INPP5D: variants seen among roughly 807,000 people sequenced by gnomAD.
INPP5D encodes the protein phosphatidylinositol 3,4,5-trisphosphate 5-phosphatase 1.
INPP5D carries 33 observed loss-of-function variants against 122.9 expected under a neutral mutation model. The observed-to-expected ratio is 0.27, with a 90% confidence interval of 0.20 to 0.36. The LOEUF is 0.36. Among genes scored for constraint, INPP5D ranks in the 10% least tolerant of loss-of-function variants. The probability of loss-of-function intolerance (pLI) is 1.00; values close to 1 mark genes in which losing one functional copy is unlikely to be tolerated. For synonymous variants in INPP5D, 584 were observed against 576.2 expected (o/e 1.01, Z -0.19); for missense variants, 1,053 against 1,412.7 (o/e 0.75, Z 4.08).
At chr2:233,140,551 A>G (rs940861270) in intron 6 of INPP5D, 1 of 152,284 alleles carries the variant, frequency 6.6e-6, no homozygotes, top group African/African-American at 2.4e-5. Flanking sequence ...TTTGTCGCCC[A>G]GGCTGGCGTG....
chr2:233,132,023 A>T lies in INPP5D; in HGVS notation c.665+1375A>T, dbSNP rs184069642. 1.1e-3 allele frequency among the ~76,000 whole-genome samples: 173 copies of T among 152,350 alleles called. 1 individual carries two copies. The highest frequency in any genetic ancestry group is 2.2e-3 in the Non-Finnish European group (148 of 68,026). ...AAATTGGCCAGTTGGGCTTAATTTC[A>T]ATGAATTGGCTTTCAACTAATGCAG... On this transcript the variant is annotated intron_variant, in intron 5 of 26. Transcript: ENST00000445964.
chr2:233,204,844 GAACGCA>G, intron 26 of INPP5D, 127 bp downstream of exon 26: 25 of 1,355,556 alleles, frequency 1.8e-5, no homozygotes, highest in Non-Finnish European at 2.3e-5. Context: ...GTGCATGTGT[GAACGCA>G]TGCATGTGCA....
In INPP5D at chr2:233,197,624, CCTTCTTTCTCTCTTAT is replaced by C. The variant is rs1399144664; in HGVS notation, c.2694-468_2694-453del. On this transcript the variant is annotated intron_variant, in intron 24 of 26. Transcript: ENST00000445964. This position sits in a 1 kb window ranked among gnomAD's most constrained non-coding sequence, Gnocchi z 4.4. Reference sequence around the variant, plus strand: ...CTTGCCACTGCCGAGAACAGTCTCCCCTTCTTTCTCTCTTATCTGCTTATCTTCTTATCTCAGATGA... The same window carrying C: ...CTTGCCACTGCCGAGAACAGTCTCCCCTGCTTATCTTCTTATCTCAGATGA... Among the ~76,000 whole-genome samples, 1 of 152,190 alleles carries C rather than the reference CCTTCTTTCTCTCTTAT, an allele frequency of 6.6e-6. No homozygotes were observed. Among genetic ancestry groups the C allele is most frequent in the Non-Finnish European group, 1.5e-5 (1 of 68,032 alleles).
intron 5 of INPP5D, 115 bp downstream of exon 5, chr2:233,130,763 C>A: frequency 1.8e-6 from 2 of 1,087,892 alleles, no homozygotes; most frequent in Non-Finnish European, 1.4e-6. Context: ...GCCGCACTCA[C>A]AATAATTGAG....
At chr2:233,158,939 C>A (rs915193583) in intron 10 of INPP5D, among the ~76,000 whole-genome samples, 1 of 152,158 alleles carries the variant, frequency 6.6e-6, no homozygotes, top group Non-Finnish European at 1.5e-5. Context: ...CAGACACACA[C>A]CACCAGCTAA....
rs1260565219 is a variant in INPP5D, at chr2:233,147,581, C to T, written c.1017C>T (p.Tyr339=). The change falls in exon 9 of 27, where the codon TAC becomes TAT. Residue 339 remains tyrosine (Y), a synonymous_variant. Transcript: ENST00000445964. The part of the protein sequence containing the change: ...KSKDGSEDKF[Y]SHKKILQLIK... ...AGGATGGTTCTGAGGACAAGTTCTA[C>T]AGCCACAAGAAAAGTAAGACCCCTC... The T allele has an allele frequency of 5.7e-6, 4 of 704,264 alleles. No individual in the cohort carries two copies. The highest frequency in any genetic ancestry group is 1.0e-5 in the Non-Finnish European group (4 of 384,966). The allele number at this position is 704,264 out of a possible 1,614,324, so 43.6% of individuals were successfully genotyped here. A position where few individuals can be genotyped will look rare whatever the true frequency, so the allele number is the denominator to read the frequency against.
intron 6 of INPP5D, among the ~76,000 whole-genome samples, chr2:233,144,733 A>G (rs1393852533): frequency 1.3e-5 from 2 of 148,418 alleles, no homozygotes; most frequent in African/African-American, 4.9e-5. Flanking sequence ...GGGCATGATC[A>G]TGGTGGGAGT....
intron 11 of INPP5D, among the ~76,000 whole-genome samples, chr2:233,162,044 C>T (rs902709692): frequency 1.3e-5 from 2 of 152,146 alleles, no homozygotes; most frequent in African/African-American, 4.8e-5. Context: ...TTGGGACTAT[C>T]GTACCCCAAG....
chr2:233,192,911 G>A (rs1042423096), intron 22 of INPP5D, among the ~76,000 whole-genome samples: 2 of 152,146 alleles, frequency 1.3e-5, no homozygotes, highest in Non-Finnish European at 2.9e-5. Flanking sequence ...GCATTGGGTG[G>A]TTTTGTTTTT....
rs868180890 is a variant in INPP5D at position 233,176,397 on chromosome 2, A to T, written c.1990-868A>T. Among the ~76,000 whole-genome samples, 714 of 149,222 alleles carry T rather than the reference A, an allele frequency of 4.8e-3. 9 individuals carry two copies. The highest frequency in any genetic ancestry group is 0.017 in the African/African-American group (683 of 40,320). On this transcript the variant is annotated intron_variant, in intron 17 of 26. Coordinates refer to ENST00000445964, the MANE Select transcript of INPP5D (RefSeq NM_001017915.3). ...GGTGGGTGGGTGGGTGGATGGATGG[A>T]TGGATAGATAGATGGATGTGTGGGT...
intron 2 of INPP5D, among the ~76,000 whole-genome samples, chr2:233,112,677 C>CT (rs1027045595): frequency 9.9e-5 from 15 of 152,150 alleles, no homozygotes; most frequent in East Asian, 3.9e-4. Context: ...ATCTATATAT[C>CT]TTTTTTTTAA....
intron 22 of INPP5D, among the ~76,000 whole-genome samples, chr2:233,193,096 C>T (rs149193156): frequency 1.8e-3 from 275 of 152,318 alleles, no homozygotes; most frequent in African/African-American, 6.4e-3. Flanking sequence ...AACATGTTGG[C>T]CAGGCTGGTC....
At chr2:233,095,615 CAAAAAAAAAAAAAAAAAA>C (rs59030376) in intron 2 of INPP5D, among the ~76,000 whole-genome samples, 3 of 129,184 alleles carry the variant, frequency 2.3e-5, no homozygotes, top group Admixed American at 8.4e-5. Context: ...GAAACTGTCT[CAAAAAAAAAAAAAAAAAA>C]AAAAAAAAAA....
chr2:233,079,778 A>G (rs1269721401), intron 2 of INPP5D, among the ~76,000 whole-genome samples: 1 of 152,206 alleles, frequency 6.6e-6, no homozygotes, highest in Admixed American at 6.5e-5. Context: ...GTGAACTTAC[A>G]GGAGAACAGA....
chr2:233,105,073 G>A lies in INPP5D; in HGVS notation c.199-17034G>A, dbSNP rs142671700. Among the ~76,000 whole-genome samples, 509 of 152,298 alleles carry A rather than the reference G, an allele frequency of 3.3e-3. 2 individuals are homozygous for A. Among genetic ancestry groups the A allele is most frequent in the Non-Finnish European group, 4.0e-3 (274 of 68,018 alleles). ...GCTGTCTTGGGTAGGGATAGGGAAT[G>A]TGGACCTCCCGGGTTTCTCCTGGAT... On this transcript the variant is annotated intron_variant, in intron 2 of 26. Coordinates refer to ENST00000445964, the MANE Select transcript of INPP5D (RefSeq NM_001017915.3). This position sits in a 1 kb window ranked among gnomAD's most constrained non-coding sequence, Gnocchi z 4.0.
chr2:233,102,649 C>T (rs998591918), intron 2 of INPP5D, among the ~76,000 whole-genome samples: 21 of 151,994 alleles, frequency 1.4e-4, no homozygotes, highest in African/African-American at 4.6e-4. Flanking sequence ...GAGATCGAGA[C>T]CATCCTGGCT....
Position 233,204,715 on chromosome 2 carries a change from C to T in INPP5D, c.3565C>T (p.Gln1189Ter). The T allele has an allele frequency of 1.3e-6, 2 of 1,512,280 alleles. No individual in the cohort carries two copies. The highest frequency in any genetic ancestry group is 1.8e-6 in the Non-Finnish European group (2 of 1,133,454). The allele number at this position is 1,512,280 out of a possible 1,614,324, so 93.7% of individuals were successfully genotyped here. The change falls in exon 26 of 27, where the codon CAG (glutamine) becomes TAG (stop). Residue 1189 changes from glutamine to a stop codon, truncating the protein, a stop_gained and splice_region_variant. Coordinates refer to ENST00000445964, the MANE Select transcript of INPP5D (RefSeq NM_001017915.3). LOFTEE classifies it high-confidence loss of function. ...AGGGCCTCTAGGCAGGACTGCCATG[C>T]AGGTGCGCTGCGCCACACGTGGGTT... ...PPGPLGRTAM[Q>*]
At position 233,078,874 on chromosome 2, in the gene INPP5D, G is replaced by C. The variant is rs532775561; in HGVS notation, c.135-461G>C. Among the ~76,000 whole-genome samples the C allele has an allele frequency of 2.6e-5, 4 of 152,072 alleles. No homozygotes were observed. In the East Asian group the frequency reaches 7.7e-4, roughly 29 times the overall value. ...ATTTTTGTATTTTTAGTAGAGATGG[G>C]ATTTCACCATGTTGGCCAGGATGGT... On this transcript the variant is annotated intron_variant, in intron 1 of 26. Transcript: ENST00000445964. This position sits in a 1 kb window ranked among gnomAD's most constrained non-coding sequence, Gnocchi z 4.6.
rs1158808595 is a variant in INPP5D, at chr2:233,164,571, G to A, written c.1555+147G>A. On this transcript the variant is annotated intron_variant, in intron 13 of 26. Transcript: ENST00000445964. This position sits in a 1 kb window ranked among gnomAD's most constrained non-coding sequence, Gnocchi z 4.3. ...CCTGGCTCAGTCCTCAGCAAATAGG[G>A]GTGATTGGTCTCCCTGGCTGAAACT... is the stretch of plus-strand genomic sequence containing the variant. 3 of 1,262,114 alleles carry A rather than the reference G, an allele frequency of 2.4e-6. No homozygotes were observed. Among genetic ancestry groups the A allele is most frequent in the African/African-American group, 1.5e-5 (1 of 66,558 alleles). 78.2% of individuals were successfully genotyped at this position (1,262,114 alleles called of 1,614,324 possible). A position where few individuals can be genotyped will look rare whatever the true frequency, so the allele number is the denominator to read the frequency against.
Sources: allele counts gnomAD v4.1 joint callset (sites outside exome capture counted in the v4.1 genomes callset), GRCh38; gene constraint gnomAD v4.1.1; non-coding constraint Gnocchi (gnomAD v3.1); transcripts MANE v1.5; gene names NCBI Gene and HGNC (gene_info 2026-07-23, HGNC 2026-07-21).